The following AKT3 variants were observed in gnomAD, a reference collection of about 807,000 sequenced individuals.
AKT3 encodes RAC-gamma serine/threonine-protein kinase.
A neutral mutation model predicts 65.3 loss-of-function variants in AKT3; 15 were observed. The ratio of observed to expected loss-of-function variants is 0.23; its 90% CI spans 0.15 to 0.35. The LOEUF (loss-of-function observed/expected upper bound fraction) is 0.35. Ranked by LOEUF, AKT3 falls within the 10% of genes least tolerant of loss-of-function variation. The pLI is 1.00. For missense variants in AKT3, 243 were observed against 576.5 expected (o/e 0.42, Z 5.92); for synonymous variants, 206 against 183.8 (o/e 1.12, Z -0.98).
rs1685303642 is a variant in AKT3 at position 243,699,513 on chromosome 1, A to AT, written c.47-3798_47-3797insA. Among the ~76,000 whole-genome samples, 28 of 117,804 alleles carry AT rather than the reference A, an allele frequency of 2.4e-4. 2 individuals are homozygous for AT. The highest frequency in any genetic ancestry group is 9.0e-4 in the African/African-American group (27 of 30,042). 77.3% of individuals were successfully genotyped at this position (117,804 alleles called of 152,430 possible). A position where few individuals can be genotyped will look rare whatever the true frequency, so the allele number is the denominator to read the frequency against. On this transcript the variant is annotated intron_variant, in intron 2 of 13. Coordinates refer to ENST00000673466, the MANE Select transcript of AKT3 (RefSeq NM_005465.7). The stretch of plus-strand genomic sequence containing the variant: ...TATATATATATATATATATATATAT[A>AT]ATCTTCATGGGTGCTTCCACTTCTT...
intron 5 of AKT3, 135 bp downstream of exon 5, chr1:243,645,758 T>C: frequency 1.2e-6 from 1 of 821,620 alleles, no homozygotes; most frequent in Non-Finnish European, 1.8e-6. Context: ...TATTTCAGAT[T>C]CATGTGAATA....
chr1:243,578,484 G>C (rs1199523413), intron 8 of AKT3, among the ~76,000 whole-genome samples: 1 of 152,112 alleles, frequency 6.6e-6, no homozygotes, highest in Non-Finnish European at 1.5e-5. Flanking sequence ...GCTGAACAAT[G>C]AGAATACATG....
intron 12 of AKT3, among the ~76,000 whole-genome samples, chr1:243,540,129 T>A (rs1305794966): frequency 2.0e-5 from 3 of 152,184 alleles, no homozygotes; most frequent in East Asian, 1.9e-4. Context: ...GTGAAAATTA[T>A]ACAAAGACAT....
At chr1:243,825,322 T>G (rs1202396746) in intron 2 of AKT3, among the ~76,000 whole-genome samples, 1 of 152,178 alleles carries the variant, frequency 6.6e-6, no homozygotes, top group East Asian at 1.9e-4. Context: ...GATGATGGGT[T>G]GACAGGTGCA....
intron 9 of AKT3, among the ~76,000 whole-genome samples, chr1:243,570,996 G>A (rs1310690794): frequency 6.6e-6 from 1 of 152,144 alleles, no homozygotes; most frequent in African/African-American, 2.4e-5. Flanking sequence ...AAAGAATGGG[G>A]CAGTGGAACT....
At chr1:243,569,111 C>G (rs913090784) in intron 9 of AKT3, among the ~76,000 whole-genome samples, 1 of 152,118 alleles carries the variant, frequency 6.6e-6, no homozygotes, top group African/African-American at 2.4e-5. Context: ...CTCACTCAGG[C>G]CCAAGAAGGT....
intron 4 of AKT3, among the ~76,000 whole-genome samples, chr1:243,657,594 A>G (rs549028006): frequency 1.3e-5 from 2 of 152,292 alleles, no homozygotes; most frequent in Non-Finnish European, 2.9e-5. Context: ...GATTCAATGC[A>G]ATCCTTTTCA....
Position 243,584,239 on chromosome 1 carries a change from C to A in AKT3, c.697-11191G>T, listed in dbSNP as rs1002212462. Among the ~76,000 whole-genome samples, 3 of 151,998 alleles carry A rather than the reference C, an allele frequency of 2.0e-5. No homozygotes were observed. In the East Asian group the frequency reaches 5.8e-4, roughly 29 times the overall value. ...GGAAATGGATAAATTCCTGGAAACA[C>A]ACAATTTACCAAGACTGAATGAGGA... On this transcript the variant is annotated intron_variant, in intron 8 of 13. Transcript: ENST00000673466.
At chr1:243,848,576 T>C (rs537689318) in intron 1 of AKT3, among the ~76,000 whole-genome samples, 2 of 152,216 alleles carry the variant, frequency 1.3e-5, no homozygotes, top group Non-Finnish European at 2.9e-5. Context: ...TTTCACTCAT[T>C]TGTCAGCTTC....
chr1:243,678,132 T>C (rs1683659887), intron 3 of AKT3, among the ~76,000 whole-genome samples: 2 of 152,042 alleles, frequency 1.3e-5, no homozygotes, highest in Admixed American at 6.6e-5. Flanking sequence ...CTATCAGTCA[T>C]TATCAGAATA....
chr1:243,592,480 GAC>G (rs1676306412), intron 8 of AKT3, among the ~76,000 whole-genome samples: 1 of 151,692 alleles, frequency 6.6e-6, no homozygotes, highest in South Asian at 2.1e-4. Context: ...CAGAAAAAAA[GAC>G]ACATGAAGCA....
chr1:243,585,042 T>C (rs1432940468), intron 8 of AKT3, among the ~76,000 whole-genome samples: 1 of 152,130 alleles, frequency 6.6e-6, no homozygotes, highest in African/African-American at 2.4e-5. Context: ...GATAAATGAT[T>C]TTTGCAAGGT....
intron 2 of AKT3, among the ~76,000 whole-genome samples, chr1:243,840,363 G>A (rs1405192129): frequency 6.6e-6 from 1 of 151,692 alleles, no homozygotes; most frequent in African/African-American, 2.4e-5. Flanking sequence ...GGGGTGGGGG[G>A]CAAGGTAAGG....
chr1:243,686,240 A>AGCTACC (rs1403306300), intron 3 of AKT3, among the ~76,000 whole-genome samples: 4 of 152,152 alleles, frequency 2.6e-5, no homozygotes, highest in Admixed American at 2.6e-4. Flanking sequence ...TTCTTCACAG[A>AGCTACC]ATTAGGTGTT....
intron 2 of AKT3, among the ~76,000 whole-genome samples, chr1:243,751,226 C>A (rs1004745151): frequency 2.6e-5 from 4 of 152,128 alleles, no homozygotes; most frequent in Non-Finnish European, 5.9e-5. Flanking sequence ...TATTTGAAGC[C>A]TCTATACAAC....
chr1:243,632,359 G>A (rs755134112), intron 6 of AKT3, among the ~76,000 whole-genome samples: 4 of 152,156 alleles, frequency 2.6e-5, no homozygotes, highest in Non-Finnish European at 5.9e-5. Flanking sequence ...TATATCTGGT[G>A]CATTGTCAAT....
At position 243,755,293 on chromosome 1, in the gene AKT3, T is replaced by G. The variant is rs2148223389; in HGVS notation, c.47-59577A>C. Among the ~76,000 whole-genome samples, 3 of 151,510 alleles carry G rather than the reference T, an allele frequency of 2.0e-5. No homozygotes were observed. In the South Asian group the frequency reaches 6.3e-4, roughly 32 times the overall value. ...TTTAGCCATGTTGCCCAGGGTGGTC[T>G]CGAACTCCTGAGCCCAAGTGATCTG... On this transcript the variant is annotated intron_variant, in intron 2 of 13. Coordinates refer to ENST00000673466, the MANE Select transcript of AKT3 (RefSeq NM_005465.7).
At chr1:243,811,221 A>C (rs1693124585) in intron 2 of AKT3, among the ~76,000 whole-genome samples, 1 of 152,206 alleles carries the variant, frequency 6.6e-6, no homozygotes, top group African/African-American at 2.4e-5. Flanking sequence ...TTAGGAAAAG[A>C]GGAAGTCAAA....
chr1:243,711,250 C>T (rs904135495), intron 2 of AKT3, among the ~76,000 whole-genome samples: 2 of 152,220 alleles, frequency 1.3e-5, no homozygotes, highest in Admixed American at 6.5e-5. Context: ...AACCCTTGAA[C>T]CCAGGAGGTG....
Sources: allele counts gnomAD v4.1 joint callset (sites outside exome capture counted in the v4.1 genomes callset), GRCh38; gene constraint gnomAD v4.1.1; transcripts MANE v1.5; gene names NCBI Gene and HGNC (gene_info 2026-07-23, HGNC 2026-07-21).